MAPK9: variants seen among roughly 807,000 people sequenced by gnomAD.
MAPK9 encodes the protein mitogen-activated protein kinase 9.
Under a neutral mutation model 57.1 loss-of-function variants are expected in MAPK9, and 30 were observed. The observed-to-expected ratio is 0.53, with a 90% CI of 0.39 to 0.71. The LOEUF (loss-of-function observed/expected upper bound fraction) is 0.71. Ranked by LOEUF, MAPK9 falls within the 30% of genes least tolerant of loss-of-function variation. MAPK9 has a pLI of 0.00. For missense variants in MAPK9, 362 were observed against 521.0 expected, an observed-to-expected ratio of 0.69 and a Z score of 2.97; for synonymous variants, 155 against 177.0, an observed-to-expected ratio of 0.88 and a Z score of 0.99.
intron 2 of MAPK9, chr5:180,279,916 A>C (rs1474157951): frequency 6.6e-6 from 3 of 456,556 alleles, no homozygotes; most frequent in Non-Finnish European, 1.3e-5. Context: ...TGAGACACCA[A>C]GGAAGAGATG....
In MAPK9 at chr5:180,240,024, C is replaced by T. The variant is rs754112602; in HGVS notation, c.997-37G>A. The T allele has an allele frequency of 7.1e-6, 11 of 1,540,600 alleles. No homozygotes were observed. The South Asian group carries it at 1.0e-4, about 14-fold the overall frequency. ...ATCATATGTAAAGTCAACAGTAATG[C>T]CTCAAAAAAAAATGAGGCACTAAAA... On this transcript the variant is annotated intron_variant, in intron 9 of 11. Coordinates refer to ENST00000452135, the MANE Select transcript of MAPK9 (RefSeq NM_002752.5).
intron 1 of MAPK9, among the ~76,000 whole-genome samples, chr5:180,288,897 G>A (rs969030778): frequency 1.4e-4 from 22 of 152,126 alleles, no homozygotes; most frequent in African/African-American, 4.8e-4. Flanking sequence ...ACACTATTCT[G>A]TTTATTTTGT....
chr5:180,268,878 G>A (rs577469231), intron 3 of MAPK9, among the ~76,000 whole-genome samples: 123 of 151,836 alleles, frequency 8.1e-4, no homozygotes, highest in Non-Finnish European at 1.5e-3. Flanking sequence ...GGTGGCTCAC[G>A]CCTGTAATCC....
rs1225876514 is a variant in MAPK9 at position 180,247,396 on chromosome 5, C to T, written c.688+43G>A. The T allele has an allele frequency of 6.2e-7, 1 of 1,613,424 alleles. No homozygotes were observed. Among genetic ancestry groups the T allele is most frequent in the Admixed American group, 1.7e-5 (1 of 60,020 alleles). ...AAGCAGGTGGTCATGCTGCCTGAGG[C>T]ATTAAGAAAGCATGGCGGGGCCAAG... On this transcript the variant is annotated intron_variant, in intron 7 of 11. Coordinates refer to ENST00000452135, the MANE Select transcript of MAPK9 (RefSeq NM_002752.5). The surrounding 1 kb of genome is among the most constrained non-coding windows in gnomAD (Gnocchi z 4.5).
Position 180,282,694 on chromosome 5 carries a change from A to G in MAPK9, c.-47-2086T>C, listed in dbSNP as rs540490475. Among the ~76,000 whole-genome samples, 14 of 152,282 alleles carry G rather than the reference A, an allele frequency of 9.2e-5. No individual in the cohort carries two copies. In the East Asian group the frequency reaches 2.3e-3, roughly 25 times the overall value. ...AGCAAAAAGGCAGGCACCCACTACC[A>G]CCTGCTTTACGGAGGGTGGCTGTTC... On this transcript the variant is annotated intron_variant, in intron 1 of 11. Transcript: ENST00000452135.
intron 10 of MAPK9, 60 bp from the exon 11 acceptor site, chr5:180,238,463 C>T: frequency 8.6e-7 from 1 of 1,160,302 alleles, no homozygotes; most frequent in Non-Finnish European, 1.3e-6. Context: ...CACTGTATCT[C>T]TAAACTCTGC....
Position 180,269,372 on chromosome 5 carries a change from C to G in MAPK9, c.160G>C (p.Val54Leu), listed in dbSNP as rs1761037660. ...TGAAAAGGACGGCTTAGTTTCTTGA[C>G]TGCAACATTTATCCCAAGAACTGTA... ...FDTVLGINVA[V>L]KKLSRPFQNQ... Residue 54 changes from valine (V) to leucine (L), a missense_variant, in exon 3 of 12, where the codon GTC (valine) becomes CTC (leucine). This residue lies in a region of MAPK9 where 127 missense variants were observed against 231.7 expected (regional missense o/e 0.55). Coordinates refer to ENST00000452135, the MANE Select transcript of MAPK9 (RefSeq NM_002752.5). The G allele has an allele frequency of 6.2e-7, 1 of 1,613,958 alleles. No individual in the cohort carries two copies. The highest frequency in any genetic ancestry group is 8.5e-7 in the Non-Finnish European group (1 of 1,179,930).
At chr5:180,272,707 A>G (rs555017381) in intron 2 of MAPK9, among the ~76,000 whole-genome samples, 55 of 152,312 alleles carry the variant, frequency 3.6e-4, no homozygotes, top group Admixed American at 1.8e-3. Flanking sequence ...CATCATTGCT[A>G]TAAGATTCCT....
At chr5:180,275,921 A>G (rs910831812) in intron 2 of MAPK9, among the ~76,000 whole-genome samples, 11 of 152,248 alleles carry the variant, frequency 7.2e-5, no homozygotes, top group African/African-American at 2.7e-4. Context: ...TAAATTTGTT[A>G]AAACTGTCTT....
chr5:180,251,440 T>C (rs1758683143), intron 5 of MAPK9, among the ~76,000 whole-genome samples: 1 of 152,170 alleles, frequency 6.6e-6, no homozygotes, highest in African/African-American at 2.4e-5. Context: ...GTCAAAAAAC[T>C]GTCATCACAT....
rs1191542775 is a variant in MAPK9 at position 180,242,890 on chromosome 5, T to C, written c.689-135A>G. The C allele has an allele frequency of 9.8e-6, 6 of 615,126 alleles. No individual in the cohort carries two copies. The South Asian group carries it at 1.8e-4, about 18-fold the overall frequency. The allele number at this position is 615,126 out of a possible 1,614,324, so 38.1% of individuals were successfully genotyped here. A position where few individuals can be genotyped will look rare whatever the true frequency, so the allele number is the denominator to read the frequency against. The stretch of plus-strand genomic sequence containing the variant: ...TCAGCAGCGGAATTTTGAAATAATA[T>C]TCAAATAAGGTTTGGGTTTCCAAGT... On this transcript the variant is annotated intron_variant, in intron 7 of 11. Transcript: ENST00000452135.
In MAPK9 at chr5:180,234,003, T is replaced by A. The variant is rs1044661136; in HGVS notation, c.*2381A>T. ...CTCTCACAGAACTCTGTCTGCTCTC[T>A]GGACTCTGCCCTTGAAACTGAGACC... On this transcript the variant is annotated 3_prime_UTR_variant, in exon 12 of 12. Transcript: ENST00000452135. 14 of 152,226 alleles carry A rather than the reference T, an allele frequency of 9.2e-5. No individual in the cohort carries two copies. The highest frequency in any genetic ancestry group is 3.4e-4 in the African/African-American group (14 of 41,450). 9.4% of individuals were successfully genotyped at this position (152,226 alleles called of 1,614,324 possible).
At chr5:180,268,067 A>G (rs766350093) in intron 3 of MAPK9, among the ~76,000 whole-genome samples, 7 of 151,484 alleles carry the variant, frequency 4.6e-5, no homozygotes, top group Admixed American at 2.0e-4. Context: ...GTCATGATCC[A>G]CCCGCCTCGG....
rs747244479 is a variant in MAPK9 at position 180,247,768 on chromosome 5, A to G, written c.617-258T>C. On this transcript the variant is annotated intron_variant, in intron 6 of 11. Transcript: ENST00000452135. The surrounding 1 kb of genome is among the most constrained non-coding windows in gnomAD (Gnocchi z 4.5). ...ACAAACAAACAAAAAACCAGAAACA[A>G]GAAGTGCCTGTGAACACAAAGCTTT... 2.2e-6 allele frequency: 3 copies of G among 1,365,368 alleles called. No homozygotes were observed. Among genetic ancestry groups the G allele is most frequent in the Middle Eastern group, 1.8e-4 (1 of 5,638 alleles). 84.6% of individuals were successfully genotyped at this position (1,365,368 alleles called of 1,614,324 possible).
intron 2 of MAPK9, among the ~76,000 whole-genome samples, chr5:180,272,321 C>A (rs1761409650): frequency 1.3e-5 from 2 of 152,204 alleles, no homozygotes; most frequent in South Asian, 4.1e-4. Context: ...AGTTTAAAAT[C>A]AATTTTCTGT....
rs1281104143 is a variant in MAPK9, at chr5:180,247,059, G to GCCTATTAAAATTAGCCTATTAAAA, written c.688+379_688+380insTTTTAATAGGCTAATTTTAATAGG. On this transcript the variant is annotated intron_variant, in intron 7 of 11. Coordinates refer to ENST00000452135, the MANE Select transcript of MAPK9 (RefSeq NM_002752.5). This position sits in a 1 kb window ranked among gnomAD's most constrained non-coding sequence, Gnocchi z 4.5. ...CAAGCACACTAGCCTATTAAATTTA[G>GCCTATTAAAATTAGCCTATTAAAA]ATAGCATCTTTCCTAGTTAAATTAA... The GCCTATTAAAATTAGCCTATTAAAA allele has an allele frequency of 4.6e-6, 1 of 219,374 alleles. No individual in the cohort carries two copies. The highest frequency in any genetic ancestry group is 9.0e-6 in the Non-Finnish European group (1 of 111,020). 13.6% of individuals were successfully genotyped at this position (219,374 alleles called of 1,614,324 possible). A position where few individuals can be genotyped will look rare whatever the true frequency, so the allele number is the denominator to read the frequency against.
intron 5 of MAPK9, among the ~76,000 whole-genome samples, chr5:180,256,607 T>C (rs1007790974): frequency 1.3e-5 from 2 of 152,024 alleles, no homozygotes; most frequent in African/African-American, 4.8e-5. Context: ...TGGGTGGGGA[T>C]GGTGAGCAGG....
chr5:180,248,521 T>C (rs983060828), intron 6 of MAPK9, among the ~76,000 whole-genome samples: 8 of 152,204 alleles, frequency 5.3e-5, no homozygotes, highest in Middle Eastern at 3.2e-3. Context: ...CAATTTTACA[T>C]GAAAACATGT....
intron 5 of MAPK9, among the ~76,000 whole-genome samples, chr5:180,254,895 G>C (rs1282547438): frequency 6.6e-6 from 1 of 152,132 alleles, no homozygotes; most frequent in Non-Finnish European, 1.5e-5. Flanking sequence ...TTAGCTGGGC[G>C]TGGTGGCGGA....
Sources: gnomAD v4.1 joint callset for allele counts (sites outside exome capture counted in the v4.1 genomes callset) on GRCh38, gnomAD v4.1.1 for gene constraint, gnomAD v4.1.1 regional missense constraint, Gnocchi (gnomAD v3.1) non-coding constraint, MANE v1.5 for transcripts, NCBI Gene and HGNC (gene_info 2026-07-23, HGNC 2026-07-21) for gene names.